The following TOP2A variants were observed in gnomAD, a reference collection of about 807,000 sequenced individuals.
TOP2A encodes the protein DNA topoisomerase 2-alpha.
Under a neutral mutation model 187.2 loss-of-function variants are expected in TOP2A, and 68 were observed. The observed-to-expected ratio is 0.36, with a 90% CI of 0.30 to 0.44. TOP2A has a LOEUF of 0.44. Ranked by LOEUF, TOP2A falls within the 20% of genes least tolerant of loss-of-function variation. The pLI is 1.00. For synonymous variants in TOP2A, 542 were observed against 593.2 expected, an observed-to-expected ratio of 0.91 and a Z score of 1.25; for missense variants, 1,196 against 1,808.7, an observed-to-expected ratio of 0.66 and a Z score of 6.14.
chr17:40,396,593 T>C, intron 27 of TOP2A, 128 bp from the exon 28 acceptor site: 1 of 1,142,616 alleles, frequency 8.8e-7, no homozygotes. Context: ...CTCCATAACC[T>C]AGTATACTAT....
At chr17:40,398,472 T>C in intron 27 of TOP2A, 86 bp downstream of exon 27, 2 of 1,186,472 alleles carry the variant, frequency 1.7e-6, no homozygotes, top group Non-Finnish European at 2.3e-6. Flanking sequence ...TTATTGCCAA[T>C]TGTGAACTAT....
At chr17:40,397,778 ATT>A (rs1379272976) in intron 27 of TOP2A, among the ~76,000 whole-genome samples, 35 of 136,572 alleles carry the variant, frequency 2.6e-4, no homozygotes, top group African/African-American at 6.7e-4. Context: ...TCTAAATAGT[ATT>A]TTTTTTTTTT....
At chr17:40,413,674 G>A (rs966019196) in intron 4 of TOP2A, 49 bp from the exon 5 acceptor site, 1 of 909,796 alleles carries the variant, frequency 1.1e-6, no homozygotes, top group Non-Finnish European at 1.6e-6. Context: ...TTAAACGAAT[G>A]CTTAACATTT....
chr17:40,396,105 G>T (rs557338863), intron 28 of TOP2A, among the ~76,000 whole-genome samples, 178 bp downstream of exon 28: 2 of 150,870 alleles, frequency 1.3e-5, no homozygotes, highest in African/African-American at 4.9e-5. Flanking sequence ...TCAGTCTCCC[G>T]AGTAGCTGGG....
intron 16 of TOP2A, among the ~76,000 whole-genome samples, chr17:40,405,622 T>G (rs1218700801): frequency 6.6e-6 from 1 of 151,556 alleles, no homozygotes; most frequent in Admixed American, 6.6e-5. Context: ...GCCCGGCTAA[T>G]TTTTTATTTT....
rs1390659648 is a variant in TOP2A, at chr17:40,417,811, C to G, written c.-20G>C. ...TTCCATGGTGACGGTCGTGAAGGGG[C>G]TCAAGAACCCTGAAAGCGACTAAAC... On this transcript the variant is annotated 5_prime_UTR_variant, in exon 1 of 35. Coordinates refer to ENST00000423485, the MANE Select transcript of TOP2A (RefSeq NM_001067.4). 1 of 1,613,468 alleles carries G rather than the reference C, an allele frequency of 6.2e-7. No individual in the cohort carries two copies. The highest frequency in any genetic ancestry group is 8.5e-7 in the Non-Finnish European group (1 of 1,179,802).
In TOP2A at chr17:40,403,166, T is replaced by C. The variant is rs1425881890; in HGVS notation, c.2284-112A>G. The C allele has an allele frequency of 3.9e-6, 4 of 1,018,770 alleles. No homozygotes were observed. The African/African-American group carries it at 6.5e-5, about 17-fold the overall frequency. 63.1% of individuals were successfully genotyped at this position (1,018,770 alleles called of 1,614,324 possible). ...TTGTGAGGTCTAGTTGTTTAGTGAC[T>C]TTCCTCAGATTAATAGATGGCAGAA... On this transcript the variant is annotated intron_variant, in intron 19 of 34. Coordinates refer to ENST00000423485, the MANE Select transcript of TOP2A (RefSeq NM_001067.4).
At position 40,400,318 on chromosome 17, in the gene TOP2A, G is replaced by C; in HGVS notation, c.2891C>G (p.Thr964Ser). 6.2e-7 allele frequency: 1 copy of C among 1,613,444 alleles called. No homozygotes were observed. The highest frequency in any genetic ancestry group is 1.3e-5 in the African/African-American group (1 of 74,892). Residue 964 changes from threonine (T) to serine (S), a missense_variant, in exon 23 of 35, where the codon ACC (threonine) becomes AGC (serine). Thr to Ser is a moderately conservative substitution (Grantham distance 58). Around this residue, in one of 10 missense-constraint regions of TOP2A, gnomAD observed 232 missense variants for 306.1 expected, o/e 0.76. Transcript: ENST00000423485. ...CATCTTCACAACAAATTTCACAGTGGTATCTGTATGGTATTCCCTATAGTC... is the reference window on the plus strand; with the variant it reads ...CATCTTCACAACAAATTTCACAGTGCTATCTGTATGGTATTCCCTATAGTC... The part of the protein sequence containing the change: ...ITDYREYHTD[T>S]TVKFVVKMTE...
rs186238435 is a variant in TOP2A, at chr17:40,409,086, C to T, written c.1204-456G>A. 8.5e-4 allele frequency: 283 copies of T among 331,968 alleles called. 1 individual carries two copies. Among genetic ancestry groups the T allele is most frequent in the African/African-American group, 5.9e-3 (264 of 44,760 alleles). The allele number at this position is 331,968 out of a possible 1,614,324, so 20.6% of individuals were successfully genotyped here. On this transcript the variant is annotated intron_variant, in intron 10 of 34. Transcript: ENST00000423485. ...GTGGGCACCTGTAATTCCAGCTACTCGGGAGGCTGAGGCAGGAGAATCGCT... is the reference window on the plus strand; with the variant it reads ...GTGGGCACCTGTAATTCCAGCTACTTGGGAGGCTGAGGCAGGAGAATCGCT...
Position 40,398,919 on chromosome 17 carries a change from TTTC to T in TOP2A, c.3304_3306del (p.Glu1102del). 6.2e-7 allele frequency: 1 copy of T among 1,608,676 alleles called. No individual in the cohort carries two copies. Among genetic ancestry groups the T allele is most frequent in the Non-Finnish European group, 8.5e-7 (1 of 1,178,180 alleles). On this transcript the variant is annotated inframe_deletion, in exon 26 of 35. Transcript: ENST00000423485. ...TCCTTTTCGTTGTCACTCTCTTCAT[TTTC>T]TTCTTCATCTGGAACCTAAAGGATT... is the stretch of plus-strand genomic sequence containing the variant.
rs145873630 is a variant in TOP2A at position 40,395,381 on chromosome 17, G to C, written c.3811+68C>G. 1.3e-3 allele frequency: 1,304 copies of C among 982,004 alleles called. 17 individuals carry two copies. The African/African-American group carries it at 0.016, about 12-fold the overall frequency. 60.8% of individuals were successfully genotyped at this position (982,004 alleles called of 1,614,324 possible). The stretch of plus-strand genomic sequence containing the variant: ...CAAAAAGGTTTTGAACATCTATGTG[G>C]AATGTACTAGGTAACAAACACAATT... On this transcript the variant is annotated intron_variant, in intron 29 of 34. Coordinates refer to ENST00000423485, the MANE Select transcript of TOP2A (RefSeq NM_001067.4).
At position 40,417,775 on chromosome 17, in the gene TOP2A, A is replaced by G; in HGVS notation, c.17T>C (p.Leu6Ser). The change falls in exon 1 of 35, where the codon TTG becomes TCG. Residue 6 changes from leucine to serine, a missense_variant. Coordinates refer to ENST00000423485, the MANE Select transcript of TOP2A (RefSeq NM_001067.4). ...AGTCCCCCCCGCGAGCCGTACCTGCAATGGTGACACTTCCATGGTGACGGT... is the reference window on the plus strand; with the variant it reads ...AGTCCCCCCCGCGAGCCGTACCTGCGATGGTGACACTTCCATGGTGACGGT... MEVSP[L>S]QPVNENMQVN... 3 of 1,613,398 alleles carry G rather than the reference A, an allele frequency of 1.9e-6. No individual in the cohort carries two copies. Among genetic ancestry groups the G allele is most frequent in the Non-Finnish European group, 2.5e-6 (3 of 1,179,860 alleles).
At chr17:40,391,913 AAC>A in intron 32 of TOP2A, 153 bp downstream of exon 32, 1 of 882,488 alleles carries the variant, frequency 1.1e-6, no homozygotes, top group South Asian at 1.9e-5. Flanking sequence ...TTACATGTGA[AAC>A]TAAACCCAGT....
intron 32 of TOP2A, 80 bp downstream of exon 32, chr17:40,391,988 A>C: frequency 7.0e-7 from 1 of 1,434,996 alleles, no homozygotes; most frequent in Non-Finnish European, 9.5e-7. Context: ...TACTTGGATA[A>C]TGTAGCCAGG....
chr17:40,417,738 G>A (rs373242793), intron 1 of TOP2A, 33 bp downstream of exon 1: 957 of 1,611,994 alleles, frequency 5.9e-4, no homozygotes, highest in Non-Finnish European at 7.1e-4. Flanking sequence ...GCCGCGCGGA[G>A]GCTCCACCGC....
chr17:40,404,992 T>A, intron 16 of TOP2A, 109 bp from the exon 17 acceptor site: 5 of 335,774 alleles, frequency 1.5e-5, no homozygotes, highest in Non-Finnish European at 1.5e-5. Context: ...CTGTTTTCCT[T>A]TTTTTTTTTT....
intron 11 of TOP2A, 133 bp downstream of exon 11, chr17:40,408,359 C>A (rs2035273926): frequency 2.0e-6 from 2 of 1,022,126 alleles, no homozygotes; most frequent in Non-Finnish European, 2.7e-6. Context: ...AGGAAACGGG[C>A]CGATTTTTAA....
In TOP2A at chr17:40,411,495, T is replaced by C; in HGVS notation, c.964-40A>G. 6.3e-7 allele frequency: 1 copy of C among 1,592,288 alleles called. No homozygotes were observed. The highest frequency in any genetic ancestry group is 8.6e-7 in the Non-Finnish European group (1 of 1,160,370). ...TACCAAACTGTAAAACTCAGTATCC[T>C]CAAAATTATAATAATCAAACATTAA... On this transcript the variant is annotated intron_variant, in intron 8 of 34. Coordinates refer to ENST00000423485, the MANE Select transcript of TOP2A (RefSeq NM_001067.4). This position sits in a 1 kb window ranked among gnomAD's most constrained non-coding sequence, Gnocchi z 4.4.
intron 32 of TOP2A, 159 bp downstream of exon 32, chr17:40,391,909 G>T (rs1411343668): frequency 4.7e-6 from 4 of 859,310 alleles, no homozygotes; most frequent in Non-Finnish European, 3.5e-6. Context: ...CTATTTACAT[G>T]TGAAACTAAA....
Sources: gnomAD v4.1 joint callset for allele counts (sites outside exome capture counted in the v4.1 genomes callset) on GRCh38, gnomAD v4.1.1 for gene constraint, gnomAD v4.1.1 regional missense constraint, Gnocchi (gnomAD v3.1) non-coding constraint, MANE v1.5 for transcripts, NCBI Gene and HGNC (gene_info 2026-07-23, HGNC 2026-07-21) for gene names.